The following YIPF6 variants were observed in gnomAD, a reference collection of about 807,000 sequenced individuals.
YIPF6 encodes protein YIPF6.
In YIPF6, 3 loss-of-function variants were observed where a neutral mutation model predicts 16.8. The observed-to-expected ratio is 0.18, with a 90% CI of 0.08 to 0.46. YIPF6 has a LOEUF of 0.46. Among genes scored for constraint, YIPF6 ranks in the 20% least tolerant of loss-of-function variants. The probability of loss-of-function intolerance (pLI) is 0.98; values close to 1 mark genes in which losing one functional copy is unlikely to be tolerated. For synonymous variants in YIPF6, 67 were observed against 61.9 expected (o/e 1.08, Z -0.38); for missense variants, 145 against 184.9 (o/e 0.78, Z 1.25).
chrX:68,500,462 C>T (rs1311733925), intron 1 of YIPF6, among the ~76,000 whole-genome samples: 1 of 110,784 alleles, frequency 9.0e-6, no homozygotes, highest in African/African-American at 3.3e-5. Flanking sequence ...ATTACAGGCG[C>T]CTGCCACTAC....
At chrX:68,515,799 C>T (rs1474316666) in intron 3 of YIPF6, among the ~76,000 whole-genome samples, 4 of 111,030 alleles carry the variant, frequency 3.6e-5, no homozygotes, top group Admixed American at 9.6e-5. Context: ...CTCCCATGCC[C>T]GGAGCCTGTG....
chrX:68,536,351 T>C lies in YIPF6; in HGVS notation c.*4352T>C, dbSNP rs2079191509. 9.0e-6 allele frequency: 1 copy of C among 111,547 alleles called. No homozygotes were observed. The highest frequency in any genetic ancestry group is 3.3e-5 in the African/African-American group (1 of 30,687). The allele number at this position is 111,547 out of a possible 1,213,427, so 9.2% of individuals were successfully genotyped here. ...TGTAATACCAGTGCTACAATTCTCA[T>C]TTTATGTGGAAAATTGAGGCACTGA... On this transcript the variant is annotated 3_prime_UTR_variant, in exon 7 of 7. Transcript: ENST00000462683.
intron 2 of YIPF6, 120 bp downstream of exon 2, chrX:68,512,097 A>G (rs762308472): frequency 3.8e-6 from 3 of 786,607 alleles, no homozygotes; most frequent in African/African-American, 4.3e-5. Context: ...ACTGAAGTTT[A>G]ATATTTTATC....
At chrX:68,514,177 C>T (rs1053172892) in intron 3 of YIPF6, 8 of 101,723 alleles carry the variant, frequency 7.9e-5, no homozygotes, top group Non-Finnish European at 1.2e-4. Context: ...GCTGTAGTGC[C>T]GTGACTGTGC....
Position 68,511,835 on chromosome X carries a change from C to G in YIPF6, c.58-14C>G, listed in dbSNP as rs1332875002. 5.9e-6 allele frequency: 7 copies of G among 1,188,461 alleles called. No homozygotes were observed. Among genetic ancestry groups the G allele is most frequent in the African/African-American group, 3.6e-5 (2 of 56,034 alleles). On this transcript the variant is annotated splice_polypyrimidine_tract_variant and intron_variant, in intron 1 of 6. Transcript: ENST00000462683. ...TTATTACAGGCTTACTTTTTTTCCC[C>G]TGACTCTTCTCAGTTTGCAGGCCTT...
At chrX:68,507,819 G>A (rs1348758143) in intron 1 of YIPF6, among the ~76,000 whole-genome samples, 1 of 110,373 alleles carries the variant, frequency 9.1e-6, no homozygotes, top group Non-Finnish European at 1.9e-5. Flanking sequence ...GGCCAGGCTG[G>A]TCTTGAACTC....
intron 2 of YIPF6, among the ~76,000 whole-genome samples, chrX:68,512,484 A>C (rs147719811): frequency 4.7e-4 from 53 of 111,956 alleles, no homozygotes; most frequent in African/African-American, 1.7e-3. Context: ...AAATGTCCAA[A>C]TCTTTTTAAA....
intron 3 of YIPF6, chrX:68,514,628 C>T (rs946880497): frequency 1.8e-5 from 2 of 112,312 alleles, no homozygotes; most frequent in East Asian, 2.8e-4. Context: ...AGGCTGGTCT[C>T]GAACTGCTGA....
At chrX:68,530,981 G>A (rs942728493) in intron 6 of YIPF6, among the ~76,000 whole-genome samples, 1 of 111,225 alleles carries the variant, frequency 9.0e-6, no homozygotes, top group South Asian at 3.8e-4. Context: ...ATTCAGTCTG[G>A]AGTGGAATGG....
At chrX:68,523,389 T>G (rs2079134885) in intron 6 of YIPF6, among the ~76,000 whole-genome samples, 1 of 112,286 alleles carries the variant, frequency 8.9e-6, no homozygotes, top group African/African-American at 3.2e-5. Flanking sequence ...ATCTTACAGA[T>G]GAAGAACAGT....
At chrX:68,500,299 TC>T (rs929875396) in intron 1 of YIPF6, among the ~76,000 whole-genome samples, 9 of 111,107 alleles carry the variant, frequency 8.1e-5, no homozygotes, top group Non-Finnish European at 1.7e-4. Context: ...AAATGGTTCT[TC>T]CCTTTCCTCT....
At chrX:68,513,151 A>G (rs551048872) in intron 2 of YIPF6, among the ~76,000 whole-genome samples, 176 bp from the exon 3 acceptor site, 1 of 112,234 alleles carries the variant, frequency 8.9e-6, no homozygotes, top group Admixed American at 9.5e-5. Context: ...AGTTAATAGA[A>G]AAAGCATACC....
chrX:68,510,415 T>C (rs773054917), intron 1 of YIPF6, among the ~76,000 whole-genome samples: 1 of 110,323 alleles, frequency 9.1e-6, no homozygotes, highest in East Asian at 2.8e-4. Context: ...ACAACATATA[T>C]TGAAAAAAGC....
At chrX:68,521,070 A>G (rs756597272) in intron 4 of YIPF6, among the ~76,000 whole-genome samples, 1 of 111,755 alleles carries the variant, frequency 8.9e-6, no homozygotes, top group African/African-American at 3.2e-5. Context: ...CTCATTATAT[A>G]TGAGCCACAT....
At chrX:68,529,866 A>G (rs1401176447) in intron 6 of YIPF6, among the ~76,000 whole-genome samples, 2 of 111,471 alleles carry the variant, frequency 1.8e-5, no homozygotes, top group South Asian at 3.8e-4. Flanking sequence ...CCAGAGGGGC[A>G]CCTGCCAGAT....
intron 3 of YIPF6, among the ~76,000 whole-genome samples, chrX:68,517,965 C>CAA (rs761275868): frequency 3.0e-4 from 19 of 62,539 alleles, no homozygotes; most frequent in African/African-American, 8.0e-4. Context: ...GACCCTGTTT[C>CAA]AAAAAAAAAA....
At chrX:68,505,349 G>T (rs978173790) in intron 1 of YIPF6, among the ~76,000 whole-genome samples, 4 of 109,252 alleles carry the variant, frequency 3.7e-5, no homozygotes, top group African/African-American at 1.3e-4. Context: ...AACAGAGGTT[G>T]CAGTGAGCCG....
chrX:68,516,476 T>C (rs1358349090), intron 3 of YIPF6, among the ~76,000 whole-genome samples: 2 of 111,439 alleles, frequency 1.8e-5, no homozygotes, highest in Non-Finnish European at 3.8e-5. Context: ...CGAAATATCA[T>C]TATGTGGCAC....
At chrX:68,504,225 G>A in intron 1 of YIPF6, among the ~76,000 whole-genome samples, 2 of 112,014 alleles carry the variant, frequency 1.8e-5, no homozygotes, top group Admixed American at 1.9e-4. Flanking sequence ...CTCCTGGTTT[G>A]CTGGTATGTG....
Sources: allele counts gnomAD v4.1 joint callset (sites outside exome capture counted in the v4.1 genomes callset), GRCh38; gene constraint gnomAD v4.1.1; transcripts MANE v1.5; gene names NCBI Gene and HGNC (gene_info 2026-07-23, HGNC 2026-07-21).